Variants in KCNMA1 observed in about 807,000 individuals in gnomAD.
The protein encoded by KCNMA1 is potassium calcium-activated channel subfamily M alpha 1, also known as Calcium-activated potassium channel subunit alpha-1.
Under a neutral mutation model 140.0 loss-of-function variants are expected in KCNMA1, and 29 were observed. The ratio of observed to expected loss-of-function variants is 0.21; its 90% CI spans 0.15 to 0.28. The LOEUF is 0.28. KCNMA1 is among the 10% of genes least tolerant of loss of function. The pLI is 1.00. For missense variants in KCNMA1, 880 were observed against 1,602.2 expected, an observed-to-expected ratio of 0.55 and a Z score of 7.70; for synonymous variants, 612 against 611.9, an observed-to-expected ratio of 1.00 and a Z score of 0.00.
chr10:77,357,506 A>G (rs936467291), intron 2 of KCNMA1, among the ~76,000 whole-genome samples: 3 of 152,252 alleles, frequency 2.0e-5, no homozygotes, highest in Non-Finnish European at 2.9e-5. Flanking sequence ...TATTCCATTC[A>G]GCACTTTTTA....
chr10:77,519,061 G>A (rs2051757277), intron 1 of KCNMA1, among the ~76,000 whole-genome samples: 1 of 152,192 alleles, frequency 6.6e-6, no homozygotes, highest in African/African-American at 2.4e-5. Context: ...AGTGCCATTG[G>A]CTCCGTCCAC....
chr10:77,447,162 C>G (rs2097544317), intron 1 of KCNMA1, among the ~76,000 whole-genome samples: 1 of 152,220 alleles, frequency 6.6e-6, no homozygotes, highest in Non-Finnish European at 1.5e-5. Context: ...CATCTGGTGA[C>G]AGAGTGAGGT....
At chr10:77,609,549 G>GT (rs1305544343) in intron 1 of KCNMA1, among the ~76,000 whole-genome samples, 1 of 152,084 alleles carries the variant, frequency 6.6e-6, no homozygotes, top group East Asian at 1.9e-4. Context: ...TAATAACAAT[G>GT]TATTGTATTC....
chr10:77,576,671 G>A (rs2074235316), intron 1 of KCNMA1, among the ~76,000 whole-genome samples: 1 of 152,170 alleles, frequency 6.6e-6, no homozygotes, highest in South Asian at 2.1e-4. Context: ...ATTCTAAAAG[G>A]AGTGACGCTA....
At chr10:77,246,217 C>T (rs2058511648) in intron 3 of KCNMA1, among the ~76,000 whole-genome samples, 1 of 152,194 alleles carries the variant, frequency 6.6e-6, no homozygotes, top group African/African-American at 2.4e-5. Flanking sequence ...TAGAATGAGC[C>T]ATGCTGGAAT....
At chr10:77,168,444 C>G (rs1223131303) in intron 5 of KCNMA1, among the ~76,000 whole-genome samples, 1 of 152,176 alleles carries the variant, frequency 6.6e-6, no homozygotes, top group African/African-American at 2.4e-5. Flanking sequence ...TCCTACACAC[C>G]TAGGCTATAT....
At chr10:76,963,007 G>A (rs1464409260) in intron 20 of KCNMA1, among the ~76,000 whole-genome samples, 1 of 152,192 alleles carries the variant, frequency 6.6e-6, no homozygotes, top group Admixed American at 6.5e-5. Context: ...TATAAAAAGG[G>A]CATTGTGATG....
intron 19 of KCNMA1, among the ~76,000 whole-genome samples, chr10:76,971,392 C>T (rs549130935): frequency 2.8e-4 from 42 of 152,214 alleles, no homozygotes; most frequent in Middle Eastern, 3.4e-3. Flanking sequence ...TCCCTGAAAA[C>T]GCTAAATAAA....
At chr10:77,025,433 G>T in intron 16 of KCNMA1, 1 of 1,602,050 alleles carries the variant, frequency 6.2e-7, no homozygotes, top group East Asian at 2.2e-5. Flanking sequence ...AAAAGTTAAC[G>T]AAGAGTGCAT....
At chr10:77,506,918 A>G (rs547189374) in intron 1 of KCNMA1, among the ~76,000 whole-genome samples, 1 of 151,674 alleles carries the variant, frequency 6.6e-6, no homozygotes, top group Admixed American at 6.6e-5. Context: ...GAGAGAGAGT[A>G]AAAGACAGAT....
chr10:76,919,813 TA>T (rs1211335443), intron 23 of KCNMA1, among the ~76,000 whole-genome samples: 1 of 151,798 alleles, frequency 6.6e-6, no homozygotes, highest in Non-Finnish European at 1.5e-5. Context: ...AGGCAAGTGC[TA>T]AAAAATGCTG....
intron 1 of KCNMA1, among the ~76,000 whole-genome samples, chr10:77,576,474 C>A (rs530589999): frequency 6.6e-6 from 1 of 152,198 alleles, no homozygotes; most frequent in Non-Finnish European, 1.5e-5. Context: ...TGGAAGCAGG[C>A]GGACTCTCGG....
At chr10:76,966,941 G>C (rs1907727) in intron 20 of KCNMA1, among the ~76,000 whole-genome samples, 28,026 of 152,116 alleles carry the variant, frequency 0.18, 2,839 homozygotes, top group African/African-American at 0.26. Flanking sequence ...ACAAAACAAG[G>C]CTGTTCACCT....
intron 1 of KCNMA1, among the ~76,000 whole-genome samples, chr10:77,432,018 G>T (rs1006628716): frequency 1.3e-5 from 2 of 151,728 alleles, no homozygotes; most frequent in African/African-American, 4.8e-5. Flanking sequence ...TCACAGCAAA[G>T]GGTGTGGAGG....
intron 5 of KCNMA1, among the ~76,000 whole-genome samples, chr10:77,142,751 G>C (rs533646382): frequency 1.3e-5 from 2 of 152,108 alleles, no homozygotes; most frequent in Non-Finnish European, 2.9e-5. Context: ...AGAACTACAG[G>C]TCCTACAAAC....
At chr10:77,524,040 A>G (rs960639820) in intron 1 of KCNMA1, among the ~76,000 whole-genome samples, 2 of 151,924 alleles carry the variant, frequency 1.3e-5, no homozygotes, top group Non-Finnish European at 2.9e-5. Flanking sequence ...TGCCTGTATC[A>G]AAACATCTCA....
At chr10:77,067,703 C>G (rs996681353) in intron 14 of KCNMA1, among the ~76,000 whole-genome samples, 1 of 152,230 alleles carries the variant, frequency 6.6e-6, no homozygotes, top group Non-Finnish European at 1.5e-5. Flanking sequence ...TACCCTGACT[C>G]AGCCCAGCCT....
At chr10:77,454,193 C>G (rs192565919) in intron 1 of KCNMA1, among the ~76,000 whole-genome samples, 2 of 152,178 alleles carry the variant, frequency 1.3e-5, no homozygotes, top group East Asian at 3.9e-4. Context: ...AAAATTGAAC[C>G]CATAATGAAA....
intron 1 of KCNMA1, among the ~76,000 whole-genome samples, chr10:77,467,974 T>A (rs2098067673): frequency 1.3e-5 from 2 of 152,228 alleles, no homozygotes; most frequent in Non-Finnish European, 2.9e-5. Flanking sequence ...AATAGTACAA[T>A]CATATTGTTT....
Sources: allele counts gnomAD v4.1 joint callset (sites outside exome capture counted in the v4.1 genomes callset), GRCh38; gene constraint gnomAD v4.1.1; transcripts MANE v1.5; gene names NCBI Gene and HGNC (gene_info 2026-07-23, HGNC 2026-07-21).